RHOH: variants seen among roughly 807,000 people sequenced by gnomAD.
RHOH encodes ras homolog family member H.
RHOH carries 6 observed loss-of-function variants against 13.8 expected under a neutral mutation model. The ratio of observed to expected loss-of-function variants is 0.44; its 90% CI spans 0.24 to 0.86. RHOH has a LOEUF of 0.86. Ranked by LOEUF, RHOH falls within the 40% of genes least tolerant of loss-of-function variation. The pLI is 0.24. For synonymous variants in RHOH, 117 were observed against 103.0 expected, an observed-to-expected ratio of 1.14 and a Z score of -0.82; for missense variants, 147 against 244.5, an observed-to-expected ratio of 0.60 and a Z score of 2.66.
At chr4:40,232,257 C>G (rs1298730449) in intron 1 of RHOH, among the ~76,000 whole-genome samples, 1 of 152,134 alleles carries the variant, frequency 6.6e-6, no homozygotes, top group Non-Finnish European at 1.5e-5. Context: ...CAGGGTCTTG[C>G]TTTGTTGCCC....
intron 1 of RHOH, among the ~76,000 whole-genome samples, chr4:40,216,294 C>A (rs558717167): frequency 1.3e-3 from 198 of 151,956 alleles, no homozygotes; most frequent in African/African-American, 4.5e-3. Context: ...CATGGTGAAA[C>A]CCCGTCTCGA....
rs1050193857 is a variant in RHOH, at chr4:40,203,796, A to G, written c.-331+6496A>G. ...TTGTCCAGCACTTGAACCAATTAAA[A>G]GTAGCTGTGACTAGGGGAACTATGA... On this transcript the variant is annotated intron_variant, in intron 1 of 2. Coordinates refer to ENST00000381799, the MANE Select transcript of RHOH (RefSeq NM_004310.5). Among the ~76,000 whole-genome samples the G allele has an allele frequency of 3.3e-5, 5 of 152,284 alleles. No homozygotes were observed. In the South Asian group the frequency reaches 1.0e-3, roughly 32 times the overall value.
At chr4:40,233,432 C>T (rs1347568899) in intron 1 of RHOH, among the ~76,000 whole-genome samples, 1 of 127,742 alleles carries the variant, frequency 7.8e-6, no homozygotes, top group Non-Finnish European at 1.7e-5. Flanking sequence ...GTCAAAGGAA[C>T]CGAAGGTCAG....
chr4:40,195,157 TTTTCAAA>T (rs1722990800), upstream of RHOH, among the ~76,000 whole-genome samples: 2 of 152,196 alleles, frequency 1.3e-5, no homozygotes, highest in African/African-American at 4.8e-5. Context: ...CTTGGCCTCA[TTTTCAAA>T]TTTCTTGTTT....
In RHOH at chr4:40,197,037, T is replaced by A. The variant is rs1723221430; in HGVS notation, c.-594T>A. On this transcript the variant is annotated 5_prime_UTR_variant, in exon 1 of 3. Coordinates refer to ENST00000381799, the MANE Select transcript of RHOH (RefSeq NM_004310.5). Reference sequence around the variant, plus strand: ...GAACTTGCTAATCTCTTTTGTCACATTCGGATTGCTCCTGCTGCCCCACAC... The same window carrying A: ...GAACTTGCTAATCTCTTTTGTCACAATCGGATTGCTCCTGCTGCCCCACAC... The A allele has an allele frequency of 6.6e-6, 1 of 151,892 alleles. No homozygotes were observed. Among genetic ancestry groups the A allele is most frequent in the Non-Finnish European group, 1.5e-5 (1 of 68,034 alleles). 9.4% of individuals were successfully genotyped at this position (151,892 alleles called of 1,614,324 possible).
At chr4:40,230,796 T>C (rs1261844300) in intron 1 of RHOH, among the ~76,000 whole-genome samples, 1 of 151,994 alleles carries the variant, frequency 6.6e-6, no homozygotes, top group Non-Finnish European at 1.5e-5. Flanking sequence ...GAGGAGAGAA[T>C]GAAACAGACC....
chr4:40,239,814 G>A (rs757516791), intron 1 of RHOH, among the ~76,000 whole-genome samples: 5 of 152,022 alleles, frequency 3.3e-5, no homozygotes, highest in Non-Finnish European at 5.9e-5. Context: ...GGAGTTGGAG[G>A]TTGCAGTGAG....
rs1279823492 is a variant in RHOH, at chr4:40,223,964, G to A, written c.-330-18750G>A. 2.0e-5 allele frequency among the ~76,000 whole-genome samples: 3 copies of A among 151,976 alleles called. No homozygotes were observed. The East Asian group carries it at 5.8e-4, about 29-fold the overall frequency. On this transcript the variant is annotated intron_variant, in intron 1 of 2. Coordinates refer to ENST00000381799, the MANE Select transcript of RHOH (RefSeq NM_004310.5). ...AGTTTGTATTTTTAGTAGAGACAGG[G>A]TTTCTCCATGTTGGTCAGGCTGGTC... is the stretch of plus-strand genomic sequence containing the variant.
chr4:40,214,276 G>A (rs759287168), intron 1 of RHOH, among the ~76,000 whole-genome samples: 3 of 152,200 alleles, frequency 2.0e-5, no homozygotes, highest in African/African-American at 7.2e-5. Flanking sequence ...CACAGGTGGC[G>A]AGGTGGTTAG....
chr4:40,233,925 CAAATA>C (rs5857719), intron 1 of RHOH, among the ~76,000 whole-genome samples: 2,827 of 145,188 alleles, frequency 0.019, 76 homozygotes, highest in African/African-American at 0.06. Context: ...TACTCCCTCT[CAAATA>C]AAATAAAATA....
Position 40,216,136 on chromosome 4 carries a change from AT to A in RHOH, c.-331+18853del, listed in dbSNP as rs35028517. On this transcript the variant is annotated intron_variant, in intron 1 of 2. Transcript: ENST00000381799. ...CTTAGGTTTTGGCCTGACAGTTGCT[AT>A]TTTTTTTTTTTTTTTTAGCTCTTTG... 3.4e-3 allele frequency among the ~76,000 whole-genome samples: 449 copies of A among 132,498 alleles called. 2 individuals are homozygous for A. Among genetic ancestry groups the A allele is most frequent in the Middle Eastern group, 4.1e-3 (1 of 246 alleles). The allele number at this position is 132,498 out of a possible 152,430, so 86.9% of individuals were successfully genotyped here.
At position 40,225,502 on chromosome 4, in the gene RHOH, A is replaced by G. The variant is rs150890449; in HGVS notation, c.-330-17212A>G. Among the ~76,000 whole-genome samples, 5 of 152,300 alleles carry G rather than the reference A, an allele frequency of 3.3e-5. No individual in the cohort carries two copies. The East Asian group carries it at 9.6e-4, about 29-fold the overall frequency. On this transcript the variant is annotated intron_variant, in intron 1 of 2. Transcript: ENST00000381799. ...ATTCTTACGCATTGCTAGGAAAATA[A>G]TTTTGTCACCTAGAGGAGAGAGGTT...
intron 1 of RHOH, among the ~76,000 whole-genome samples, chr4:40,217,729 G>A (rs1230792182): frequency 1.3e-5 from 2 of 152,166 alleles, no homozygotes; most frequent in Non-Finnish European, 2.9e-5. Flanking sequence ...TAGAAGTAGA[G>A]ACAAATTAAG....
intron 1 of RHOH, among the ~76,000 whole-genome samples, chr4:40,229,325 C>T (rs984579456): frequency 1.3e-5 from 2 of 152,022 alleles, no homozygotes; most frequent in Non-Finnish European, 2.9e-5. Context: ...TCTCTATAAC[C>T]AGAGAGTAAG....
At chr4:40,225,311 C>A (rs1233103377) in intron 1 of RHOH, among the ~76,000 whole-genome samples, 1 of 152,032 alleles carries the variant, frequency 6.6e-6, no homozygotes, top group African/African-American at 2.4e-5. Context: ...GTCTCAAACT[C>A]CTGGCCTTGA....
chr4:40,196,292 C>T (rs903763329), upstream of RHOH, among the ~76,000 whole-genome samples: 1 of 152,172 alleles, frequency 6.6e-6, no homozygotes, highest in African/African-American at 2.4e-5. Flanking sequence ...GGGGCACAGG[C>T]GGTTGTGACC....
chr4:40,198,007 T>C (rs920385130), intron 1 of RHOH, among the ~76,000 whole-genome samples: 2 of 152,222 alleles, frequency 1.3e-5, no homozygotes, highest in African/African-American at 2.4e-5. Context: ...TTATTGGTTC[T>C]AAGCTGGTGC....
chr4:40,239,105 ATCCATCTTTACTG>A (rs1478998582), intron 1 of RHOH, among the ~76,000 whole-genome samples: 1 of 152,118 alleles, frequency 6.6e-6, no homozygotes, highest in Non-Finnish European at 1.5e-5. Context: ...AAGGCTTATC[ATCCATCTTTACTG>A]CCGCACAATG....
chr4:40,237,264 C>T (rs1728697753), intron 1 of RHOH, among the ~76,000 whole-genome samples: 1 of 152,094 alleles, frequency 6.6e-6, no homozygotes, highest in Admixed American at 6.5e-5. Flanking sequence ...ACCATCCTGG[C>T]CAACATGGCA....
Sources: gnomAD v4.1 joint callset for allele counts (sites outside exome capture counted in the v4.1 genomes callset) on GRCh38, gnomAD v4.1.1 for gene constraint, MANE v1.5 for transcripts, NCBI Gene and HGNC (gene_info 2026-07-23, HGNC 2026-07-21) for gene names.